The following DLGAP2 variants were observed in gnomAD, a reference collection of about 807,000 sequenced individuals.
DLGAP2 encodes the protein DLG associated protein 2.
Under a neutral mutation model 100.3 loss-of-function variants are expected in DLGAP2, and 26 were observed. That is an observed-to-expected ratio of 0.26 (90% CI 0.19 to 0.36). The LOEUF is 0.36. DLGAP2 is among the 10% of genes least tolerant of loss of function. The pLI, the probability that DLGAP2 is intolerant of heterozygous loss-of-function variation, is 1.00. For missense variants in DLGAP2, 1,858 were observed against 1,453.2 expected (o/e 1.28, Z -4.53); for synonymous variants, 886 against 630.1 (o/e 1.41, Z -6.08).
intron 1 of DLGAP2, among the ~76,000 whole-genome samples, chr8:793,261 G>A (rs546944467): frequency 5.3e-5 from 8 of 152,224 alleles, no homozygotes; most frequent in South Asian, 2.1e-4. Flanking sequence ...CTAATTTTAC[G>A]GAGCATTGGA....
At position 1,691,621 on chromosome 8, in the gene DLGAP2, A is replaced by C; in HGVS notation, c.2791A>C (p.Asn931His). 6.2e-7 allele frequency: 1 copy of C among 1,613,620 alleles called. No homozygotes were observed. Among genetic ancestry groups the C allele is most frequent in the Middle Eastern group, 1.6e-4 (1 of 6,062 alleles). Residue 931 changes from asparagine (N) to histidine (H), a missense_variant, in exon 13 of 15, where the codon AAT (asparagine) becomes CAT (histidine). Asn to His is a moderately conservative substitution (Grantham distance 68). Transcript: ENST00000637795. ...GCAGTTTTATTGGCTTTGCCAACAG[A>C]ATATGGTAAGTGAATCCTCAGTGAA... The part of the protein sequence containing the change: ...FQQFYWLCQQ[N>H]MDPSAMPRPT...
chr8:806,400 C>T (rs1796270265), intron 1 of DLGAP2, among the ~76,000 whole-genome samples: 1 of 152,154 alleles, frequency 6.6e-6, no homozygotes. Context: ...CTGTGAGTGG[C>T]GTGCGCGTCT....
intron 2 of DLGAP2, among the ~76,000 whole-genome samples, chr8:1,217,306 G>T (rs1233038798): frequency 6.6e-6 from 1 of 152,106 alleles, no homozygotes; most frequent in Non-Finnish European, 1.5e-5. Flanking sequence ...TTTTATGGCT[G>T]CACAGTATTC....
intron 3 of DLGAP2, among the ~76,000 whole-genome samples, chr8:1,447,661 T>G (rs7016815): frequency 0.21 from 31,561 of 152,198 alleles, 3,544 homozygotes; most frequent in East Asian, 0.33. Context: ...AGAAGGAATG[T>G]TACCAGCTTC....
At chr8:1,147,504 C>T (rs1448674790) in intron 2 of DLGAP2, among the ~76,000 whole-genome samples, 1 of 151,134 alleles carries the variant, frequency 6.6e-6, no homozygotes, top group Non-Finnish European at 1.5e-5. Context: ...ACGTTTTTCT[C>T]ATCAAGATGA....
chr8:1,371,158 G>T (rs1196304985), intron 3 of DLGAP2, among the ~76,000 whole-genome samples: 1 of 152,256 alleles, frequency 6.6e-6, no homozygotes, highest in Non-Finnish European at 1.5e-5. Flanking sequence ...AAGAGAGTAA[G>T]ACACGTCTTT....
chr8:1,005,673 G>C (rs910417400), intron 2 of DLGAP2, among the ~76,000 whole-genome samples: 2 of 151,630 alleles, frequency 1.3e-5, no homozygotes, highest in African/African-American at 4.9e-5. Context: ...TCCTGCCTTG[G>C]ACTCCCAAAG....
At chr8:1,080,506 A>G (rs973979005) in intron 2 of DLGAP2, among the ~76,000 whole-genome samples, 1 of 152,146 alleles carries the variant, frequency 6.6e-6, no homozygotes, top group African/African-American at 2.4e-5. Context: ...AGTTTTGTGT[A>G]AGGGACTCAT....
intron 12 of DLGAP2, among the ~76,000 whole-genome samples, chr8:1,683,543 T>G (rs562148445): frequency 6.6e-6 from 1 of 151,244 alleles, no homozygotes; most frequent in South Asian, 2.1e-4. Flanking sequence ...TTAGGCTCCT[T>G]CAATGAAGTG....
chr8:1,220,291 G>C (rs532734265), intron 2 of DLGAP2, among the ~76,000 whole-genome samples: 2 of 152,264 alleles, frequency 1.3e-5, no homozygotes, highest in African/African-American at 4.8e-5. Context: ...GTGACCCAAA[G>C]ATTGTGGCAT....
At chr8:1,489,258 C>T (rs1010171248) in intron 3 of DLGAP2, among the ~76,000 whole-genome samples, 3 of 152,148 alleles carry the variant, frequency 2.0e-5, no homozygotes, top group African/African-American at 4.8e-5. Flanking sequence ...AAAATGGGAC[C>T]GTCAGCTCTG....
At chr8:1,687,277 GA>G (rs758641852) in intron 12 of DLGAP2, among the ~76,000 whole-genome samples, 2 of 152,104 alleles carry the variant, frequency 1.3e-5, no homozygotes, top group African/African-American at 4.8e-5. Context: ...TGGAATTATA[GA>G]AAAAATAAAA....
At chr8:1,241,766 C>G (rs1798802163) in intron 2 of DLGAP2, among the ~76,000 whole-genome samples, 2 of 151,626 alleles carry the variant, frequency 1.3e-5, no homozygotes, top group Admixed American at 6.6e-5. Context: ...CTAATAAATT[C>G]TGGAAACCTT....
intron 1 of DLGAP2, among the ~76,000 whole-genome samples, chr8:903,058 C>A (rs966094036): frequency 6.7e-6 from 1 of 149,378 alleles, no homozygotes; most frequent in African/African-American, 2.5e-5. Context: ...GGCGGTGGGG[C>A]GGTTTGAGAC....
chr8:1,679,189 T>C (rs1241293616), intron 12 of DLGAP2: 1 of 143,660 alleles, frequency 7.0e-6, no homozygotes, highest in Non-Finnish European at 1.5e-5. Flanking sequence ...GCCGTGTCAT[T>C]CCTCTACGGG....
At chr8:835,114 G>A (rs1454081187) in intron 1 of DLGAP2, among the ~76,000 whole-genome samples, 7 of 152,096 alleles carry the variant, frequency 4.6e-5, no homozygotes, top group Non-Finnish European at 8.8e-5. Context: ...TGTTTGTGGA[G>A]GGGGGGCTGC....
intron 1 of DLGAP2, among the ~76,000 whole-genome samples, chr8:775,279 A>G (rs561658111): frequency 1.1e-3 from 160 of 152,282 alleles, no homozygotes; most frequent in South Asian, 5.2e-3. Context: ...TAGATATACA[A>G]TGATGTCGTC....
chr8:758,152 G>T (rs1345715686), intron 1 of DLGAP2, among the ~76,000 whole-genome samples: 3 of 152,238 alleles, frequency 2.0e-5, no homozygotes, highest in Non-Finnish European at 4.4e-5. Flanking sequence ...CCATCCCGAG[G>T]TTCCCTCATG....
intron 6 of DLGAP2, among the ~76,000 whole-genome samples, chr8:1,602,949 A>G (rs1796674460): frequency 6.6e-6 from 1 of 152,222 alleles, no homozygotes. Flanking sequence ...GGGGGTCTGT[A>G]AGGGTGGAAG....
Sources: allele counts gnomAD v4.1 joint callset (sites outside exome capture counted in the v4.1 genomes callset), GRCh38; gene constraint gnomAD v4.1.1; transcripts MANE v1.5; gene names NCBI Gene and HGNC (gene_info 2026-07-23, HGNC 2026-07-21).